The following FBLN1 variants were observed in gnomAD, a reference collection of about 807,000 sequenced individuals.
FBLN1 encodes fibulin-1.
In FBLN1, 34 loss-of-function variants were observed where a neutral mutation model predicts 89.7. The ratio of observed to expected loss-of-function variants is 0.38; its 90% CI spans 0.29 to 0.50. The LOEUF (loss-of-function observed/expected upper bound fraction) is 0.50, where lower values mean the gene tolerates loss of function less well. FBLN1 is among the 20% of genes least tolerant of loss of function. The pLI, the probability that FBLN1 is intolerant of heterozygous loss-of-function variation, is 0.92. For synonymous variants in FBLN1, 393 were observed against 391.3 expected, an observed-to-expected ratio of 1.00 and a Z score of -0.05; for missense variants, 777 against 988.1, an observed-to-expected ratio of 0.79 and a Z score of 2.86.
chr22:45,525,013 C>T (rs1002174010), intron 2 of FBLN1, among the ~76,000 whole-genome samples: 14 of 151,718 alleles, frequency 9.2e-5, no homozygotes, highest in Non-Finnish European at 1.3e-4. Flanking sequence ...GAACCCGAGA[C>T]GCAGAGGCTG....
chr22:45,528,136 C>A, intron 4 of FBLN1, 127 bp downstream of exon 4: 1 of 1,079,750 alleles, frequency 9.3e-7, no homozygotes, highest in Non-Finnish European at 1.4e-6. Context: ...CTGGCAAGTC[C>A]AAAATCTGCA....
chr22:45,588,393 A>T lies in FBLN1; in HGVS notation c.1972+11285A>T, dbSNP rs879892249. ...AAAGGGAAACACCAGGAGTTGTGGC[A>T]TTGGGAGTTTCTTCGCTTGACTTTC... On this transcript the variant is annotated intron_variant, in intron 16 of 16. Coordinates refer to ENST00000327858, the MANE Select transcript of FBLN1 (RefSeq NM_006486.3). The surrounding 1 kb of genome is among the most constrained non-coding windows in gnomAD (Gnocchi z 5.1). Among the ~76,000 whole-genome samples, 58 of 152,320 alleles carry T rather than the reference A, an allele frequency of 3.8e-4. No homozygotes were observed. The highest frequency in any genetic ancestry group is 7.1e-4 in the Non-Finnish European group (48 of 68,016).
At chr22:45,507,833 T>G (rs184383980) in intron 1 of FBLN1, among the ~76,000 whole-genome samples, 1 of 152,066 alleles carries the variant, frequency 6.6e-6, no homozygotes, top group Non-Finnish European at 1.5e-5. Context: ...TGGCCCTGTT[T>G]TTCATTTTGG....
In FBLN1 at chr22:45,600,596, A is replaced by G. The variant is rs1601552395; in HGVS notation, c.*150A>G. On this transcript the variant is annotated 3_prime_UTR_variant, in exon 17 of 17. Transcript: ENST00000327858. Reference sequence around the variant, plus strand: ...ACATGTATTAAGCTGAGCCAGATGAATAAGTCCATCTGATGTATTTTCGGT... The same window carrying G: ...ACATGTATTAAGCTGAGCCAGATGAGTAAGTCCATCTGATGTATTTTCGGT... The G allele has an allele frequency of 7.8e-6, 7 of 891,954 alleles. No homozygotes were observed. The highest frequency in any genetic ancestry group is 7.4e-5 in the East Asian group (3 of 40,804). 55.3% of individuals were successfully genotyped at this position (891,954 alleles called of 1,614,324 possible).
intron 1 of FBLN1, chr22:45,517,654 A>G (rs1569235413): frequency 2.1e-6 from 1 of 470,732 alleles, no homozygotes; most frequent in East Asian, 7.0e-5. Flanking sequence ...TGTCCTCACC[A>G]GACTTCTCAC....
At position 45,597,229 on chromosome 22, in the gene FBLN1, A is replaced by G. The variant is rs536147086; in HGVS notation, c.1973-3078A>G. Among the ~76,000 whole-genome samples, 5 of 152,126 alleles carry G rather than the reference A, an allele frequency of 3.3e-5. No individual in the cohort carries two copies. The highest frequency in any genetic ancestry group is 5.9e-5 in the Non-Finnish European group (4 of 68,018). ...CGTTGCCCACGCTGGTCTCGAACTC[A>G]TGGGCTTGTGATCTGCCCGCCTAAG... is the stretch of plus-strand genomic sequence containing the variant. On this transcript the variant is annotated intron_variant, in intron 16 of 16. Coordinates refer to ENST00000327858, the MANE Select transcript of FBLN1 (RefSeq NM_006486.3). The surrounding 1 kb of genome is among the most constrained non-coding windows in gnomAD (Gnocchi z 4.2).
chr22:45,542,295 G>C lies in FBLN1; in HGVS notation c.1195+12G>C, dbSNP rs746341531. The C allele has an allele frequency of 3.7e-6, 6 of 1,613,520 alleles. No individual in the cohort carries two copies. In the South Asian group the frequency reaches 5.5e-5, roughly 15 times the overall value. On this transcript the variant is annotated intron_variant, in intron 10 of 16. Coordinates refer to ENST00000327858, the MANE Select transcript of FBLN1 (RefSeq NM_006486.3). The stretch of plus-strand genomic sequence containing the variant: ...CAGGATGTGTGTCGGTGCGTGGGGG[G>C]CCCCGCAGGCCTCGGGGGAACCCAG...
chr22:45,518,683 G>A lies in FBLN1; in HGVS notation c.81G>A (p.Val27=). ...CAGCTTGTTCTCTTCCCTGCACAGT[G>A]GACGCGGATGTCCTCCTGGAGGCCT... is the stretch of plus-strand genomic sequence containing the variant. ...LGGLALLAAG[V]DADVLLEACC... is the part of the protein sequence containing the mutation. The change falls in exon 2 of 17, where the codon GTG becomes GTA. Residue 27 remains valine, a splice_region_variant and synonymous_variant. Coordinates refer to ENST00000327858, the MANE Select transcript of FBLN1 (RefSeq NM_006486.3). The A allele has an allele frequency of 6.2e-7, 1 of 1,600,044 alleles. No individual in the cohort carries two copies. Among genetic ancestry groups the A allele is most frequent in the Non-Finnish European group, 8.5e-7 (1 of 1,173,660 alleles).
At chr22:45,543,856 G>T (rs1481103133) in intron 11 of FBLN1, among the ~76,000 whole-genome samples, 1 of 152,186 alleles carries the variant, frequency 6.6e-6, no homozygotes, top group South Asian at 2.1e-4. Context: ...CCCTGCCTCC[G>T]TGTCCTCCCC....
At position 45,550,508 on chromosome 22, in the gene FBLN1, G is replaced by C; in HGVS notation, c.1590G>C (p.Val530=). 1 of 1,614,082 alleles carries C rather than the reference G, an allele frequency of 6.2e-7. No homozygotes were observed. The highest frequency in any genetic ancestry group is 8.5e-7 in the Non-Finnish European group (1 of 1,180,048). Residue 530 remains valine, a synonymous_variant, in exon 14 of 17, where the codon GTG becomes GTC. Coordinates refer to ENST00000327858, the MANE Select transcript of FBLN1 (RefSeq NM_006486.3). The surrounding 1 kb of genome is among the most constrained non-coding windows in gnomAD (Gnocchi z 8.4). ...GRNCQDIDEC[V]TGIHNCSINE... Reference sequence around the variant, plus strand: ...CTCTTGCAGACATTGATGAGTGTGTGACTGGCATCCACAACTGCTCCATCA... The same window carrying C: ...CTCTTGCAGACATTGATGAGTGTGTCACTGGCATCCACAACTGCTCCATCA...
chr22:45,590,707 T>C lies in FBLN1; in HGVS notation c.1973-9600T>C, dbSNP rs2089129015. ...AGTCTGGAGACCTTTAGGAATAGAA[T>C]CCATTGGCCTCAGTGATGGTTTAAC... is the stretch of plus-strand genomic sequence containing the variant. On this transcript the variant is annotated intron_variant, in intron 16 of 16. Transcript: ENST00000327858. This position sits in a 1 kb window ranked among gnomAD's most constrained non-coding sequence, Gnocchi z 4.1. 6.6e-6 allele frequency among the ~76,000 whole-genome samples: 1 copy of C among 151,896 alleles called. No individual in the cohort carries two copies. Among genetic ancestry groups the C allele is most frequent in the Non-Finnish European group, 1.5e-5 (1 of 67,988 alleles).
At chr22:45,519,390 G>T (rs1463896803) in intron 2 of FBLN1, among the ~76,000 whole-genome samples, 1 of 152,086 alleles carries the variant, frequency 6.6e-6, no homozygotes, top group African/African-American at 2.4e-5. Flanking sequence ...GGAGGCCGAG[G>T]TGGGTGGATC....
intron 1 of FBLN1, 66 bp downstream of exon 1, chr22:45,503,130 C>A: frequency 9.2e-7 from 1 of 1,087,936 alleles, no homozygotes; most frequent in Non-Finnish European, 1.1e-6. Flanking sequence ...GCGCTCCCTG[C>A]GAGTTTCGGA....
rs948393399 is a variant in FBLN1 at position 45,531,715 on chromosome 22, G to T, written c.544+391G>T. Among the ~76,000 whole-genome samples, 2 of 152,226 alleles carry T rather than the reference G, an allele frequency of 1.3e-5. No individual in the cohort carries two copies. Among genetic ancestry groups the T allele is most frequent in the African/African-American group, 4.8e-5 (2 of 41,462 alleles). On this transcript the variant is annotated intron_variant, in intron 5 of 16. Coordinates refer to ENST00000327858, the MANE Select transcript of FBLN1 (RefSeq NM_006486.3). The surrounding 1 kb of genome is among the most constrained non-coding windows in gnomAD (Gnocchi z 4.9). Reference sequence around the variant, plus strand: ...TTCCCTTTCCCCTTCCAGATCTAGGGCTGGCTGGGGAGGGGAAGGGTGGGC... The same window carrying T: ...TTCCCTTTCCCCTTCCAGATCTAGGTCTGGCTGGGGAGGGGAAGGGTGGGC...
intron 4 of FBLN1, among the ~76,000 whole-genome samples, chr22:45,529,320 C>A (rs2146964208): frequency 6.6e-6 from 1 of 152,364 alleles, no homozygotes; most frequent in East Asian, 1.9e-4. Context: ...ACCCCAAGAG[C>A]AGCTTCAAGA....
chr22:45,539,089 C>T (rs1343488168), intron 8 of FBLN1, among the ~76,000 whole-genome samples: 5 of 135,912 alleles, frequency 3.7e-5, no homozygotes, highest in Admixed American at 3.0e-4. Flanking sequence ...TTCCCCCTCC[C>T]ATCCTCCCCC....
chr22:45,533,860 G>GGACTGGCT lies in FBLN1; in HGVS notation c.747_754dup (p.Tyr252Ter). 1 of 1,614,120 alleles carries GGACTGGCT rather than the reference G, an allele frequency of 6.2e-7. No homozygotes were observed. The highest frequency in any genetic ancestry group is 8.5e-7 in the Non-Finnish European group (1 of 1,180,034). ...CGCTGCCAGCGGGACAGCAGCTGCG[G>GGACTGGCT]GACTGGCTATGAGCTCACAGAGGAC... On this transcript the variant is annotated frameshift_variant, in exon 7 of 17. Coordinates refer to ENST00000327858, the MANE Select transcript of FBLN1 (RefSeq NM_006486.3). LOFTEE classifies it high-confidence loss of function.
At chr22:45,573,136 G>C (rs1026055984) in intron 14 of FBLN1, among the ~76,000 whole-genome samples, 1 of 152,114 alleles carries the variant, frequency 6.6e-6, no homozygotes, top group African/African-American at 2.4e-5. Context: ...TGAGGCAGGA[G>C]AATTGCTTGA....
chr22:45,555,512 A>C (rs2088777346), intron 14 of FBLN1, among the ~76,000 whole-genome samples: 1 of 152,020 alleles, frequency 6.6e-6, no homozygotes, highest in Non-Finnish European at 1.5e-5. Flanking sequence ...CTCTCTTTTC[A>C]CGTTTTTCTG....
Sources: gnomAD v4.1 joint callset for allele counts (sites outside exome capture counted in the v4.1 genomes callset) on GRCh38, gnomAD v4.1.1 for gene constraint, Gnocchi (gnomAD v3.1) non-coding constraint, MANE v1.5 for transcripts, NCBI Gene and HGNC (gene_info 2026-07-23, HGNC 2026-07-21) for gene names.